KCNIP4: variants seen among roughly 807,000 people sequenced by gnomAD.
The protein encoded by KCNIP4 is Kv channel-interacting protein 4.
Under a neutral mutation model 34.0 loss-of-function variants are expected in KCNIP4, and 12 were observed. The observed-to-expected ratio is 0.35, with a 90% confidence interval of 0.23 to 0.57. KCNIP4 has a LOEUF of 0.57. Among genes scored for constraint, KCNIP4 ranks in the 20% least tolerant of loss-of-function variants. The pLI is 0.83. For missense variants in KCNIP4, 238 were observed against 311.7 expected (o/e 0.76, Z 1.78); for synonymous variants, 124 against 102.2 (o/e 1.21, Z -1.29).
chr4:21,757,615 A>C (rs1202999663), intron 1 of KCNIP4, among the ~76,000 whole-genome samples: 1 of 152,208 alleles, frequency 6.6e-6, no homozygotes, highest in Non-Finnish European at 1.5e-5. Flanking sequence ...ACTTGGAATC[A>C]ACAGTCCTGA....
chr4:21,514,970 C>A (rs1456145751), intron 1 of KCNIP4, among the ~76,000 whole-genome samples: 2 of 152,132 alleles, frequency 1.3e-5, no homozygotes, highest in African/African-American at 4.8e-5. Context: ...CCTATGAAGT[C>A]CATTTGATTT....
rs577365477 is a variant in KCNIP4 at position 21,404,024 on chromosome 4, G to A, written c.62-521315C>T. Among the ~76,000 whole-genome samples, 439 of 152,286 alleles carry A rather than the reference G, an allele frequency of 2.9e-3. 3 individuals are homozygous for A. Among genetic ancestry groups the A allele is most frequent in the Middle Eastern group, 3.4e-3 (1 of 294 alleles). On this transcript the variant is annotated intron_variant, in intron 1 of 8. Coordinates refer to ENST00000382152, the MANE Select transcript of KCNIP4 (RefSeq NM_025221.6). ...TTGAAGACACACAGGCATTCAAACCGTAGCCCATACTTTCCGGTAGCCATG... is the reference window on the plus strand; with the variant it reads ...TTGAAGACACACAGGCATTCAAACCATAGCCCATACTTTCCGGTAGCCATG...
At chr4:21,815,282 C>A (rs535426972) in intron 1 of KCNIP4, among the ~76,000 whole-genome samples, 2 of 152,034 alleles carry the variant, frequency 1.3e-5, no homozygotes, top group African/African-American at 4.8e-5. Flanking sequence ...ATCAAATGTG[C>A]TAATATAAAA....
rs1720321650 is a variant in KCNIP4, at chr4:21,370,836, TATATATATATATATACACACACAC to T, written c.62-488151_62-488128del. Among the ~76,000 whole-genome samples, 15 of 31,690 alleles carry T rather than the reference TATATATATATATATACACACACAC, an allele frequency of 4.7e-4. No homozygotes were observed. In the East Asian group the frequency reaches 0.012, roughly 26 times the overall value. 20.8% of individuals were successfully genotyped at this position (31,690 alleles called of 152,430 possible). A position where few individuals can be genotyped will look rare whatever the true frequency, so the allele number is the denominator to read the frequency against. ...ATATATATATATATATATATATATA[TATATATATATATATACACACACAC>T]ACACACACACACACACACACACGTG... On this transcript the variant is annotated intron_variant, in intron 1 of 8. Coordinates refer to ENST00000382152, the MANE Select transcript of KCNIP4 (RefSeq NM_025221.6).
At chr4:21,833,757 T>C (rs955803003) in intron 1 of KCNIP4, among the ~76,000 whole-genome samples, 88 of 152,282 alleles carry the variant, frequency 5.8e-4, no homozygotes, top group African/African-American at 2.0e-3. Flanking sequence ...CCATCTTGAA[T>C]TGATTTTTGT....
At chr4:21,572,568 T>A (rs1414708613) in intron 1 of KCNIP4, among the ~76,000 whole-genome samples, 3 of 152,086 alleles carry the variant, frequency 2.0e-5, no homozygotes, top group Non-Finnish European at 4.4e-5. Flanking sequence ...CTAAACACCA[T>A]TCCATGCACA....
chr4:20,756,200 A>G (rs1754422152), intron 4 of KCNIP4, among the ~76,000 whole-genome samples: 1 of 151,862 alleles, frequency 6.6e-6, no homozygotes, highest in Non-Finnish European at 1.5e-5. Flanking sequence ...TGGCAAGGTC[A>G]ATGGCAAAGT....
At chr4:21,036,626 T>C (rs1245231694) in intron 1 of KCNIP4, among the ~76,000 whole-genome samples, 1 of 152,192 alleles carries the variant, frequency 6.6e-6, no homozygotes, top group Non-Finnish European at 1.5e-5. Flanking sequence ...CTTGGGAGGC[T>C]GAGGCAGTAC....
chr4:21,779,513 T>C (rs1719435333), intron 1 of KCNIP4, among the ~76,000 whole-genome samples: 2 of 152,300 alleles, frequency 1.3e-5, no homozygotes, highest in South Asian at 2.1e-4. Context: ...TGTATACACA[T>C]ATCAAAATGT....
chr4:20,864,900 G>A (rs1354064437), intron 2 of KCNIP4, among the ~76,000 whole-genome samples: 1 of 152,042 alleles, frequency 6.6e-6, no homozygotes, highest in African/African-American at 2.4e-5. Context: ...TTATGGATAA[G>A]AGTGTCTTCA....
chr4:21,053,664 G>A (rs1293331454), intron 1 of KCNIP4, among the ~76,000 whole-genome samples: 1 of 152,196 alleles, frequency 6.6e-6, no homozygotes, highest in Non-Finnish European at 1.5e-5. Context: ...TGATAGTAAG[G>A]TTGCAGGATA....
chr4:21,131,442 T>C (rs2109173487), intron 1 of KCNIP4, among the ~76,000 whole-genome samples: 1 of 152,174 alleles, frequency 6.6e-6, no homozygotes, highest in African/African-American at 2.4e-5. Flanking sequence ...ACCCCGTCTC[T>C]ACTAAAAATA....
intron 5 of KCNIP4, among the ~76,000 whole-genome samples, chr4:20,748,560 TTA>T (rs3075750): frequency 0.054 from 3,418 of 63,698 alleles, 38 homozygotes; most frequent in African/African-American, 0.07. Context: ...CTTCCAAATT[TTA>T]TATATATATA....
intron 1 of KCNIP4, among the ~76,000 whole-genome samples, chr4:21,089,819 A>G (rs1260513438): frequency 6.6e-6 from 1 of 152,088 alleles, no homozygotes; most frequent in Non-Finnish European, 1.5e-5. Context: ...AACCAGACTG[A>G]TCATTTCACA....
intron 1 of KCNIP4, among the ~76,000 whole-genome samples, chr4:21,124,568 A>C (rs564558697): frequency 1.3e-5 from 2 of 152,204 alleles, no homozygotes; most frequent in Admixed American, 1.3e-4. Context: ...TTTTAATGGA[A>C]TGGACTTAGT....
intron 1 of KCNIP4, chr4:21,849,078 A>G (rs1250870584): frequency 6.6e-6 from 1 of 152,112 alleles, no homozygotes; most frequent in Non-Finnish European, 1.5e-5. Flanking sequence ...TAAGAGAAAC[A>G]AAATAAAAGG....
chr4:20,776,256 C>G (rs566666804), intron 3 of KCNIP4, among the ~76,000 whole-genome samples: 4 of 152,126 alleles, frequency 2.6e-5, no homozygotes, highest in African/African-American at 9.6e-5. Context: ...GTTTTTGCCC[C>G]GTAAGGAAGG....
At chr4:21,227,314 G>T (rs1254025306) in intron 1 of KCNIP4, among the ~76,000 whole-genome samples, 1 of 152,168 alleles carries the variant, frequency 6.6e-6, no homozygotes, top group Non-Finnish European at 1.5e-5. Context: ...CAAACCAAAA[G>T]CACTTTTCCA....
At chr4:20,808,504 T>C (rs1380435330) in intron 3 of KCNIP4, among the ~76,000 whole-genome samples, 1 of 152,214 alleles carries the variant, frequency 6.6e-6, no homozygotes, top group African/African-American at 2.4e-5. Flanking sequence ...AAGAACATAA[T>C]TATTCATAAT....
Sources: gnomAD v4.1 joint callset for allele counts (sites outside exome capture counted in the v4.1 genomes callset) on GRCh38, gnomAD v4.1.1 for gene constraint, MANE v1.5 for transcripts, NCBI Gene and HGNC (gene_info 2026-07-23, HGNC 2026-07-21) for gene names.